Variants in PARG observed in about 807,000 individuals in gnomAD.
PARG encodes poly(ADP-ribose) glycohydrolase.
PARG carries 35 observed loss-of-function variants against 113.0 expected under a neutral mutation model. That is an observed-to-expected ratio of 0.31 (90% CI 0.24 to 0.41). The LOEUF (loss-of-function observed/expected upper bound fraction) is 0.41. Ranked by LOEUF, PARG falls within the 10% of genes least tolerant of loss-of-function variation. The pLI is 1.00. For missense variants in PARG, 797 were observed against 1,169.4 expected, an observed-to-expected ratio of 0.68 and a Z score of 4.64; for synonymous variants, 330 against 409.9, an observed-to-expected ratio of 0.81 and a Z score of 2.36.
intron 16 of PARG, among the ~76,000 whole-genome samples, chr10:49,828,092 C>CAAAAACAAAAAAAA (rs1844451271): frequency 2.0e-5 from 1 of 50,368 alleles, no homozygotes; most frequent in Admixed American, 3.3e-4. Flanking sequence ...AAAGCTTAAA[C>CAAAAACAAAAAAAA]AAAAAAAAAA....
intron 11 of PARG, among the ~76,000 whole-genome samples, chr10:49,862,856 C>G (rs1554836212): frequency 6.6e-6 from 1 of 151,026 alleles, no homozygotes; most frequent in Non-Finnish European, 1.5e-5. Flanking sequence ...TTTTTTGGTC[C>G]TACTTTCCTA....
intron 7 of PARG, among the ~76,000 whole-genome samples, chr10:49,892,230 GT>G (rs1342218554): frequency 6.6e-6 from 1 of 151,978 alleles, no homozygotes; most frequent in East Asian, 1.9e-4. Flanking sequence ...AAGGCAAAAT[GT>G]TTTTTAAAAT....
At chr10:49,896,000 G>A (rs1433609432) in intron 7 of PARG, among the ~76,000 whole-genome samples, 1 of 151,896 alleles carries the variant, frequency 6.6e-6, no homozygotes, top group African/African-American at 2.4e-5. Flanking sequence ...AGGTTTCTTG[G>A]GTTTTTCTGC....
intron 7 of PARG, among the ~76,000 whole-genome samples, chr10:49,900,511 A>C (rs1331326508): frequency 5.3e-5 from 8 of 152,124 alleles, no homozygotes; most frequent in African/African-American, 1.9e-4. Context: ...ATTAAACATG[A>C]AGAATAGAAT....
rs1226176148 is a variant in PARG, at chr10:49,913,668, C to T, written c.1737+2249G>A. 2.6e-5 allele frequency among the ~76,000 whole-genome samples: 4 copies of T among 152,068 alleles called. No homozygotes were observed. In the East Asian group the frequency reaches 7.7e-4, roughly 29 times the overall value. ...CTGTAATCCCAGCACTTTGGGAGGCCGAGTTGGGTGGATCACTTAAGGTCA... is the reference window on the plus strand; with the variant it reads ...CTGTAATCCCAGCACTTTGGGAGGCTGAGTTGGGTGGATCACTTAAGGTCA... On this transcript the variant is annotated intron_variant, in intron 7 of 17. Transcript: ENST00000616448.
chr10:49,819,992 C>A (rs1422385685), intron 17 of PARG, among the ~76,000 whole-genome samples, 173 bp downstream of exon 17: 1 of 152,158 alleles, frequency 6.6e-6, no homozygotes, highest in Non-Finnish European at 1.5e-5. Flanking sequence ...TGAAACTCTG[C>A]CAGAACAAAA....
intron 7 of PARG, among the ~76,000 whole-genome samples, chr10:49,910,815 T>C (rs1350271158): frequency 6.6e-6 from 1 of 152,204 alleles, no homozygotes; most frequent in East Asian, 1.9e-4. Flanking sequence ...TATAGTCTAA[T>C]GAATAAATAT....
chr10:49,826,730 T>G (rs1451241497), intron 16 of PARG, among the ~76,000 whole-genome samples: 1 of 152,236 alleles, frequency 6.6e-6, no homozygotes, highest in Non-Finnish European at 1.5e-5. Context: ...CTATGACAAT[T>G]TGGTCCAAGG....
At chr10:49,879,138 A>G (rs1554838952) in intron 9 of PARG, among the ~76,000 whole-genome samples, 1 of 152,158 alleles carries the variant, frequency 6.6e-6, no homozygotes, top group East Asian at 1.9e-4. Context: ...TAAAAATATT[A>G]CACTGATAAA....
At chr10:49,849,958 C>G (rs1183807207) in intron 13 of PARG, among the ~76,000 whole-genome samples, 1 of 152,158 alleles carries the variant, frequency 6.6e-6, no homozygotes, top group Non-Finnish European at 1.5e-5. Flanking sequence ...TTTGAGGTAA[C>G]AGTGAGCTAT....
chr10:49,835,510 T>C (rs549016681), intron 15 of PARG, among the ~76,000 whole-genome samples: 1 of 151,882 alleles, frequency 6.6e-6, no homozygotes, highest in Non-Finnish European at 1.5e-5. Context: ...AACATAAAGG[T>C]AATTTGGGAG....
At chr10:49,913,630 C>T (rs1476340951) in intron 7 of PARG, among the ~76,000 whole-genome samples, 3 of 152,134 alleles carry the variant, frequency 2.0e-5, no homozygotes, top group Admixed American at 1.3e-4. Flanking sequence ...TGGTTGAGGG[C>T]GGTGGCTCAC....
In PARG at chr10:49,857,324, C is replaced by G; in HGVS notation, c.2335G>C (p.Glu779Gln). 1 of 1,193,498 alleles carries G rather than the reference C, an allele frequency of 8.4e-7. No homozygotes were observed. Among genetic ancestry groups the G allele is most frequent in the Non-Finnish European group, 1.2e-6 (1 of 817,686 alleles). 73.9% of individuals were successfully genotyped at this position (1,193,498 alleles called of 1,614,324 possible). The change falls in exon 13 of 18, where the codon GAA (glutamate) becomes CAA (glutamine). Residue 779 changes from glutamate (E) to glutamine (Q), a missense_variant. Glu to Gln is a conservative substitution (Grantham distance 29). This residue lies in a region of PARG where 40 missense variants were observed against 124.5 expected (regional missense o/e 0.32). Coordinates refer to ENST00000616448, the MANE Select transcript of PARG (RefSeq NM_003631.5). ...AACTAACCTGTGATAATTAGACATT[C>G]ATTGTGATCCAGCACCTCAGTGAAG... ...RLFTEVLDHN[E>Q]CLIITGTEQY... is the part of the protein sequence containing the mutation.
At chr10:49,840,979 C>T (rs1398672438) in intron 15 of PARG, among the ~76,000 whole-genome samples, 7 of 152,192 alleles carry the variant, frequency 4.6e-5, no homozygotes, top group Non-Finnish European at 7.3e-5. Flanking sequence ...AGGCTGGGCA[C>T]AATGGCTCAT....
At chr10:49,927,349 GGAAAGAAAGAAGGAAA>G (rs1290547769) in intron 4 of PARG, among the ~76,000 whole-genome samples, 1,193 of 109,484 alleles carry the variant, frequency 0.011, 19 homozygotes, top group African/African-American at 0.039. Flanking sequence ...AAGGAAGGAA[GGAAAGAAAGAAGGAAA>G]GAAGGAAAGA....
chr10:49,820,788 A>G (rs1456536986), intron 16 of PARG, among the ~76,000 whole-genome samples: 4 of 152,040 alleles, frequency 2.6e-5, no homozygotes. Context: ...GTGGCTTTTC[A>G]GACATGCTGC....
intron 15 of PARG, among the ~76,000 whole-genome samples, chr10:49,837,355 T>G (rs1242127106): frequency 6.7e-6 from 1 of 148,242 alleles, no homozygotes; most frequent in Admixed American, 6.7e-5. Context: ...AAATGTGGGT[T>G]TTTTTTTTTT....
intron 7 of PARG, chr10:49,909,950 A>G (rs1837072538): frequency 6.5e-6 from 1 of 152,868 alleles, no homozygotes; most frequent in Non-Finnish European, 1.5e-5. Flanking sequence ...ATTTAAATTA[A>G]TGAAAAGTAA....
chr10:49,825,326 T>C (rs1844299768), intron 16 of PARG, among the ~76,000 whole-genome samples: 2 of 152,112 alleles, frequency 1.3e-5, no homozygotes. Flanking sequence ...CCACCATCTC[T>C]AGAATGGTAA....
Sources: allele counts gnomAD v4.1 joint callset (sites outside exome capture counted in the v4.1 genomes callset), GRCh38; gene constraint gnomAD v4.1.1; regional missense constraint gnomAD v4.1.1; transcripts MANE v1.5; gene names NCBI Gene and HGNC (gene_info 2026-07-23, HGNC 2026-07-21).